Variants in CHRNG observed in about 807,000 individuals in gnomAD.
CHRNG encodes cholinergic receptor nicotinic gamma subunit, also known as acetylcholine receptor subunit gamma.
CHRNG carries 72 observed loss-of-function variants against 65.2 expected under a neutral mutation model. That is an observed-to-expected ratio of 1.10 (90% confidence interval 0.91 to 1.34). The LOEUF (loss-of-function observed/expected upper bound fraction) is 1.34, where lower values mean the gene tolerates loss of function less well. Ranked by LOEUF, CHRNG falls within the 40% of genes most tolerant of loss-of-function variation. The pLI is 0.00. For synonymous variants in CHRNG, 284 were observed against 290.2 expected (o/e 0.98, Z 0.22); for missense variants, 637 against 680.1 (o/e 0.94, Z 0.70).
At position 232,541,877 on chromosome 2, in the gene CHRNG, G is replaced by C. The variant is rs1032932371; in HGVS notation, c.506+348G>C. The C allele has an allele frequency of 5.1e-6, 2 of 395,308 alleles. No homozygotes were observed. Among genetic ancestry groups the C allele is most frequent in the African/African-American group, 2.0e-5 (1 of 49,192 alleles). The allele number at this position is 395,308 out of a possible 1,614,324, so 24.5% of individuals were successfully genotyped here. A position where few individuals can be genotyped will look rare whatever the true frequency, so the allele number is the denominator to read the frequency against. On this transcript the variant is annotated intron_variant, in intron 5 of 11. Transcript: ENST00000651502. The surrounding 1 kb of genome is among the most constrained non-coding windows in gnomAD (Gnocchi z 4.0). ...CCACTGCACACTCCAGGCCCACAGG[G>C]AGGCAGGGCTGTCCTGTGAGAGAGG...
At position 232,540,668 on chromosome 2, in the gene CHRNG, C is replaced by T; in HGVS notation, c.307C>T (p.Pro103Ser). The T allele has an allele frequency of 6.2e-7, 1 of 1,613,064 alleles. No individual in the cohort carries two copies. ...CGAAGGCCTGTGGGTGCTGAGGGTG[C>T]CGTCCACCATGGTGTGGCGGCCGGA... ...DYEGLWVLRV[P>S]STMVWRPDIV... The change falls in exon 4 of 12, where the codon CCG (proline) becomes TCG (serine). Residue 103 changes from proline (P) to serine (S), a missense_variant. Physicochemically the swap from Pro to Ser is moderately conservative, Grantham distance 74. Transcript: ENST00000651502. This position sits in a 1 kb window ranked among gnomAD's most constrained non-coding sequence, Gnocchi z 4.2.
Position 232,540,915 on chromosome 2 carries a change from C to T in CHRNG, c.350+204C>T, listed in dbSNP as rs970904117. Among the ~76,000 whole-genome samples the T allele has an allele frequency of 1.3e-5, 2 of 152,108 alleles. No individual in the cohort carries two copies. Among genetic ancestry groups the T allele is most frequent in the Non-Finnish European group, 2.9e-5 (2 of 68,010 alleles). ...GACCCCAGGGCCAGCAGAGCAGACC[C>T]TACGCCAGGCTCCATCTCCTCTGGG... On this transcript the variant is annotated intron_variant, in intron 4 of 11. Coordinates refer to ENST00000651502, the MANE Select transcript of CHRNG (RefSeq NM_005199.5). The surrounding 1 kb of genome is among the most constrained non-coding windows in gnomAD (Gnocchi z 4.2).
intron 11 of CHRNG, among the ~76,000 whole-genome samples, chr2:232,545,331 AAG>A (rs1478506264): frequency 1.3e-5 from 2 of 148,774 alleles, no homozygotes; most frequent in Non-Finnish European, 1.5e-5. Context: ...AAAAAAAAAA[AAG>A]GAAAGAAAGA....
At chr2:232,544,228 T>C (rs933102683) in intron 9 of CHRNG, 139 bp from the exon 10 acceptor site, 4 of 760,128 alleles carry the variant, frequency 5.3e-6, no homozygotes, top group Non-Finnish European at 9.5e-6. Context: ...GTGTCCAGTA[T>C]AGAAAGCTTT....
intron 9 of CHRNG, 40 bp downstream of exon 9, chr2:232,543,739 AC>A (rs1559304662): frequency 8.1e-7 from 1 of 1,232,964 alleles, no homozygotes; most frequent in Non-Finnish European, 1.2e-6. Context: ...CCCGCTGCCC[AC>A]TCCCCTACGC....
intron 1 of CHRNG, 78 bp downstream of exon 1, chr2:232,539,880 G>T (rs12996322): frequency 1.2e-6 from 2 of 1,608,966 alleles, no homozygotes; most frequent in South Asian, 1.1e-5. Flanking sequence ...GGTCTGAGGG[G>T]TATTGGGGCC....
chr2:232,543,530 G>A, intron 8 of CHRNG, 55 bp from the exon 9 acceptor site: 3 of 1,311,086 alleles, frequency 2.3e-6, no homozygotes, highest in Non-Finnish European at 3.3e-6. Flanking sequence ...GCCACTAAGC[G>A]TGGGGGTGGC....
At position 232,544,903 on chromosome 2, in the gene CHRNG, G is replaced by GT; in HGVS notation, c.1380+2dup. On this transcript the variant is annotated splice_donor_variant, in intron 11 of 11. Transcript: ENST00000651502. LOFTEE classifies it high-confidence loss of function. ...GCACCAGCAGAGTCACTTTGACAATGTAAGCTGAGTCAGGGTGGGGTGGAG... is the reference window on the plus strand; with the variant it reads ...GCACCAGCAGAGTCACTTTGACAATGTTAAGCTGAGTCAGGGTGGGGTGGAG... 1 of 1,613,992 alleles carries GT rather than the reference G, an allele frequency of 6.2e-7. No homozygotes were observed. Among genetic ancestry groups the GT allele is most frequent in the Non-Finnish European group, 8.5e-7 (1 of 1,180,026 alleles).
rs987065577 is a variant in CHRNG, at chr2:232,540,325, G to A, written c.196-56G>A. The A allele has an allele frequency of 5.0e-6, 8 of 1,609,940 alleles. No individual in the cohort carries two copies. The African/African-American group carries it at 6.7e-5, about 13-fold the overall frequency. On this transcript the variant is annotated intron_variant, in intron 2 of 11. Coordinates refer to ENST00000651502, the MANE Select transcript of CHRNG (RefSeq NM_005199.5). The surrounding 1 kb of genome is among the most constrained non-coding windows in gnomAD (Gnocchi z 4.2). ...GCTTGGCCCCATTGGTGGCCTGTGG[G>A]GACTGGCACTGAAGTCGGGGGCTGA... is the stretch of plus-strand genomic sequence containing the variant.
chr2:232,543,159 G>A (rs1692052799), intron 7 of CHRNG, 77 bp downstream of exon 7: 1 of 1,540,134 alleles, frequency 6.5e-7, no homozygotes, highest in Non-Finnish European at 9.0e-7. Flanking sequence ...CCTGCCTGGG[G>A]AACAGAGTGG....
At position 232,544,763 on chromosome 2, in the gene CHRNG, C is replaced by G. The variant is rs561085959; in HGVS notation, c.1250-9C>G. 1 of 1,613,770 alleles carries G rather than the reference C, an allele frequency of 6.2e-7. No individual in the cohort carries two copies. Reference sequence around the variant, plus strand: ...TCTACTCCCAAACCTTACCCTTTCTCTTTATCAGAGAAAGGCCCGGAGTTA... The same window carrying G: ...TCTACTCCCAAACCTTACCCTTTCTGTTTATCAGAGAAAGGCCCGGAGTTA... On this transcript the variant is annotated splice_polypyrimidine_tract_variant and intron_variant, in intron 10 of 11. Coordinates refer to ENST00000651502, the MANE Select transcript of CHRNG (RefSeq NM_005199.5).
In CHRNG at chr2:232,544,397, AGGATGCAC is replaced by A; in HGVS notation, c.1068_1075del (p.Arg356SerfsTer39). On this transcript the variant is annotated frameshift_variant, in exon 10 of 12. Coordinates refer to ENST00000651502, the MANE Select transcript of CHRNG (RefSeq NM_005199.5). LOFTEE classifies it high-confidence loss of function. ...CCTGAGGCTCTTGCCCCAGCTGCTG[AGGATGCAC>A]GTTCGCCCGCTGGCCCCGGCAGCTG... The A allele has an allele frequency of 6.2e-7, 1 of 1,613,422 alleles. No individual in the cohort carries two copies. The highest frequency in any genetic ancestry group is 8.5e-7 in the Non-Finnish European group (1 of 1,179,972).
rs57021172 is a variant in CHRNG at position 232,546,308 on chromosome 2, C to CTTTTTTTTTTTT, written c.*601_*612dup. 2.1e-5 allele frequency: 2 copies of CTTTTTTTTTTTT among 94,694 alleles called. No homozygotes were observed. The highest frequency in any genetic ancestry group is 3.8e-5 in the African/African-American group (1 of 26,142). 5.9% of individuals were successfully genotyped at this position (94,694 alleles called of 1,614,324 possible). A position where few individuals can be genotyped will look rare whatever the true frequency, so the allele number is the denominator to read the frequency against. The stretch of plus-strand genomic sequence containing the variant: ...ACGATTTCCTGAGTTTTGTAATCCT[C>CTTTTTTTTTTTT]TTTTTTTTTTTTTTTTTTTTAGTTT... On this transcript the variant is annotated 3_prime_UTR_variant, in exon 12 of 12. Coordinates refer to ENST00000651502, the MANE Select transcript of CHRNG (RefSeq NM_005199.5).
intron 6 of CHRNG, 87 bp downstream of exon 6, chr2:232,542,607 T>C (rs772569741): frequency 1.0e-5 from 9 of 898,284 alleles, no homozygotes; most frequent in Non-Finnish European, 1.7e-5. Flanking sequence ...CAAGGTCAAA[T>C]CCCTCCCATG....
Position 232,540,480 on chromosome 2 carries a change from A to G in CHRNG, c.240+55A>G. 2 of 1,607,916 alleles carry G rather than the reference A, an allele frequency of 1.2e-6. No individual in the cohort carries two copies. Among genetic ancestry groups the G allele is most frequent in the Non-Finnish European group, 1.7e-6 (2 of 1,177,140 alleles). On this transcript the variant is annotated intron_variant, in intron 3 of 11. Coordinates refer to ENST00000651502, the MANE Select transcript of CHRNG (RefSeq NM_005199.5). This position sits in a 1 kb window ranked among gnomAD's most constrained non-coding sequence, Gnocchi z 4.2. ...ATCAGGGGTCCCACCCCACCACCCC[A>G]AGGCCTCCTGAGAGTTGCCTGCCCC...
chr2:232,544,762 T>C lies in CHRNG; in HGVS notation c.1250-10T>C, dbSNP rs1263207131. On this transcript the variant is annotated splice_polypyrimidine_tract_variant and intron_variant, in intron 10 of 11. Transcript: ENST00000651502. ...TTCTACTCCCAAACCTTACCCTTTC[T>C]CTTTATCAGAGAAAGGCCCGGAGTT... 6.2e-7 allele frequency: 1 copy of C among 1,613,860 alleles called. No individual in the cohort carries two copies. The highest frequency in any genetic ancestry group is 1.1e-5 in the South Asian group (1 of 91,076).
intron 9 of CHRNG, among the ~76,000 whole-genome samples, chr2:232,544,020 A>G (rs889011908): frequency 6.6e-6 from 1 of 152,244 alleles, no homozygotes; most frequent in Non-Finnish European, 1.5e-5. Flanking sequence ...GGAGTCTGCC[A>G]GGGCAGTCTG....
intron 5 of CHRNG, 83 bp from the exon 6 acceptor site, chr2:232,542,340 C>A: frequency 1.1e-6 from 1 of 886,718 alleles, no homozygotes; most frequent in Non-Finnish European, 1.9e-6. Context: ...AAGCTGCCCA[C>A]ACTTGTCCCC....
rs1692060537 is a variant in CHRNG, at chr2:232,543,484, C to CCCA, written c.920+97_920+98insACC. ...TTGCCCTCTTGCCCTCCATCCACCC[C>CCCA]CCCCATCCTCAATTCAGGAGGCCTG... On this transcript the variant is annotated intron_variant, in intron 8 of 11. Coordinates refer to ENST00000651502, the MANE Select transcript of CHRNG (RefSeq NM_005199.5). The CCCA allele has an allele frequency of 1.0e-5, 12 of 1,178,002 alleles. No individual in the cohort carries two copies. In the Admixed American group the frequency reaches 1.2e-4, roughly 12 times the overall value. 73.0% of individuals were successfully genotyped at this position (1,178,002 alleles called of 1,614,324 possible). A position where few individuals can be genotyped will look rare whatever the true frequency, so the allele number is the denominator to read the frequency against.
Sources: allele counts gnomAD v4.1 joint callset (sites outside exome capture counted in the v4.1 genomes callset), GRCh38; gene constraint gnomAD v4.1.1; non-coding constraint Gnocchi (gnomAD v3.1); transcripts MANE v1.5; gene names NCBI Gene and HGNC (gene_info 2026-07-23, HGNC 2026-07-21).